Variants in RAPGEF2 observed in about 807,000 individuals in gnomAD.
RAPGEF2 encodes PDZ domain containing guanine nucleotide exchange factor (GEF) 1.
Under a neutral mutation model 186.7 loss-of-function variants are expected in RAPGEF2, and 54 were observed. That is an observed-to-expected ratio of 0.29 (90% CI 0.23 to 0.36). RAPGEF2 has a LOEUF of 0.36. Ranked by LOEUF, RAPGEF2 falls within the 10% of genes least tolerant of loss-of-function variation. The pLI, the probability that RAPGEF2 is intolerant of heterozygous loss-of-function variation, is 1.00. For synonymous variants in RAPGEF2, 712 were observed against 705.9 expected, an observed-to-expected ratio of 1.01 and a Z score of -0.14; for missense variants, 1,532 against 2,045.0, an observed-to-expected ratio of 0.75 and a Z score of 4.84.
chr4:159,295,720 A>AGTGTGT (rs71589223), intron 7 of RAPGEF2, among the ~76,000 whole-genome samples: 3,325 of 134,528 alleles, frequency 0.025, 44 homozygotes, highest in Middle Eastern at 0.041. Context: ...AGAGTGTGTG[A>AGTGTGT]GTGTGTGTGT....
intron 4 of RAPGEF2, among the ~76,000 whole-genome samples, chr4:159,236,507 T>A (rs911609394): frequency 6.6e-6 from 1 of 152,242 alleles, no homozygotes; most frequent in Non-Finnish European, 1.5e-5. Flanking sequence ...CTGCTAAAAT[T>A]TGTAAACAAT....
At chr4:159,130,319 T>G (rs2111126970) in intron 1 of RAPGEF2, among the ~76,000 whole-genome samples, 1 of 152,268 alleles carries the variant, frequency 6.6e-6, no homozygotes, top group Non-Finnish European at 1.5e-5. Flanking sequence ...GTCCAGTAGG[T>G]CTCAGCCTTA....
rs541036197 is a variant in RAPGEF2, at chr4:159,321,773, C to T, written c.854-574C>T. Among the ~76,000 whole-genome samples, 39 of 152,280 alleles carry T rather than the reference C, an allele frequency of 2.6e-4. No homozygotes were observed. In the South Asian group the frequency reaches 8.1e-3, roughly 32 times the overall value. ...CATTCCCATAGGAAAGAAGAGTGAA[C>T]AAACTTCCTTTTTTGCCAACTTGTG... is the stretch of plus-strand genomic sequence containing the variant. On this transcript the variant is annotated intron_variant, in intron 9 of 29. Coordinates refer to ENST00000691494, the MANE Select transcript of RAPGEF2 (RefSeq NM_001394067.2).
At chr4:159,325,470 A>T (rs1765795630) in intron 11 of RAPGEF2, among the ~76,000 whole-genome samples, 1 of 152,138 alleles carries the variant, frequency 6.6e-6, no homozygotes, top group South Asian at 2.1e-4. Context: ...GAGTCAAAAC[A>T]AGCTAGCAAA....
intron 1 of RAPGEF2, among the ~76,000 whole-genome samples, chr4:159,154,933 A>G (rs2111201130): frequency 1.3e-5 from 2 of 152,318 alleles, no homozygotes; most frequent in East Asian, 1.9e-4. Flanking sequence ...TAGAGAGCCA[A>G]TCAGTTGTAT....
chr4:159,165,008 T>A (rs1745147419), intron 1 of RAPGEF2, among the ~76,000 whole-genome samples: 1 of 152,200 alleles, frequency 6.6e-6, no homozygotes, highest in African/African-American at 2.4e-5. Context: ...AGGAATATAT[T>A]CTGCACATTT....
rs148622906 is a variant in RAPGEF2, at chr4:159,110,957, T to C, written c.69+6726T>C. The stretch of plus-strand genomic sequence containing the variant: ...ATGTTCAAGTGATTATGTCAGTCAT[T>C]GTAGGAAGAAAAATAAGTTTATTGC... On this transcript the variant is annotated intron_variant, in intron 1 of 29. Transcript: ENST00000691494. Among the ~76,000 whole-genome samples the C allele has an allele frequency of 3.3e-5, 5 of 152,054 alleles. 1 individual carries two copies. The highest frequency in any genetic ancestry group is 5.9e-5 in the Non-Finnish European group (4 of 68,028).
At chr4:159,247,108 GTC>G (rs1287774361) in intron 7 of RAPGEF2, among the ~76,000 whole-genome samples, 1 of 152,138 alleles carries the variant, frequency 6.6e-6, no homozygotes, top group Non-Finnish European at 1.5e-5. Flanking sequence ...TACTATCAGT[GTC>G]TCTCTGTGAA....
intron 17 of RAPGEF2, among the ~76,000 whole-genome samples, chr4:159,335,576 G>A (rs199999413): frequency 2.0e-5 from 3 of 152,036 alleles, no homozygotes; most frequent in East Asian, 3.9e-4. Context: ...TTGAGTGCGC[G>A]GTGGCTCACG....
At chr4:159,291,608 TATTAA>T (rs1293890904) in intron 7 of RAPGEF2, among the ~76,000 whole-genome samples, 1 of 152,196 alleles carries the variant, frequency 6.6e-6, no homozygotes, top group Non-Finnish European at 1.5e-5. Context: ...ACAATTTGCT[TATTAA>T]ATACTTACTG....
rs188476355 is a variant in RAPGEF2 at position 159,295,814 on chromosome 4, A to G, written c.544-8528A>G. On this transcript the variant is annotated intron_variant, in intron 7 of 29. Transcript: ENST00000691494. Reference sequence around the variant, plus strand: ...TTTTCTGACCTTCAGATGTTGGGGAAATTATATAAAAGACAAGGTTTTGTT... The same window carrying G: ...TTTTCTGACCTTCAGATGTTGGGGAGATTATATAAAAGACAAGGTTTTGTT... Among the ~76,000 whole-genome samples the G allele has an allele frequency of 4.6e-5, 7 of 151,452 alleles. No homozygotes were observed. In the East Asian group the frequency reaches 1.4e-3, roughly 29 times the overall value.
intron 22 of RAPGEF2, 49 bp from the exon 23 acceptor site, chr4:159,343,987 G>A (rs377213331): frequency 2.6e-6 from 4 of 1,517,374 alleles, no homozygotes; most frequent in Non-Finnish European, 3.7e-6. Context: ...TGATCTTTCT[G>A]TCTCTCTTTC....
chr4:159,175,980 C>T (rs183373883), intron 1 of RAPGEF2, among the ~76,000 whole-genome samples: 7 of 152,206 alleles, frequency 4.6e-5, no homozygotes, highest in Admixed American at 4.6e-4. Flanking sequence ...CTTCTCTGAT[C>T]GAGGACATAA....
chr4:159,231,629 T>G (rs1012976270), intron 4 of RAPGEF2, among the ~76,000 whole-genome samples: 2 of 152,126 alleles, frequency 1.3e-5, no homozygotes, highest in African/African-American at 2.4e-5. Flanking sequence ...AAATATTAAG[T>G]TGTATCCTTA....
chr4:159,200,790 A>T (rs1242484290), intron 3 of RAPGEF2, among the ~76,000 whole-genome samples: 2 of 152,174 alleles, frequency 1.3e-5, no homozygotes, highest in East Asian at 3.8e-4. Context: ...TTTTAATTAT[A>T]AATGAAGTAA....
chr4:159,234,355 G>A (rs1752982562), intron 4 of RAPGEF2, among the ~76,000 whole-genome samples: 1 of 143,906 alleles, frequency 6.9e-6, no homozygotes, highest in Admixed American at 7.0e-5. Context: ...AGGGATACTG[G>A]CTTTCAGCTG....
At chr4:159,213,679 T>C (rs920943546) in intron 4 of RAPGEF2, among the ~76,000 whole-genome samples, 1 of 152,194 alleles carries the variant, frequency 6.6e-6, no homozygotes, top group African/African-American at 2.4e-5. Context: ...TTTTTTCTTT[T>C]GTTTTTGTTA....
intron 1 of RAPGEF2, among the ~76,000 whole-genome samples, chr4:159,109,055 T>A (rs1738208208): frequency 6.6e-6 from 1 of 152,178 alleles, no homozygotes; most frequent in South Asian, 2.1e-4. Flanking sequence ...TGCATAAAAT[T>A]ATAATGGGAT....
chr4:159,188,497 C>T (rs1473750237), intron 2 of RAPGEF2, among the ~76,000 whole-genome samples: 3 of 151,766 alleles, frequency 2.0e-5, no homozygotes, highest in Non-Finnish European at 4.4e-5. Flanking sequence ...AACCCCATCT[C>T]TACTAAAAAT....
Sources: allele counts gnomAD v4.1 joint callset (sites outside exome capture counted in the v4.1 genomes callset), GRCh38; gene constraint gnomAD v4.1.1; transcripts MANE v1.5; gene names NCBI Gene and HGNC (gene_info 2026-07-23, HGNC 2026-07-21).